SIAH3: variants seen among roughly 807,000 people sequenced by gnomAD.
SIAH3 encodes seven in absentia homolog 3.
In SIAH3, 9 loss-of-function variants were observed where a neutral mutation model predicts 12.6. The ratio of observed to expected loss-of-function variants is 0.72; its 90% confidence interval spans 0.43 to 1.25. SIAH3 has a LOEUF of 1.25. Ranked by LOEUF, SIAH3 falls within the 50% of genes most tolerant of loss-of-function variation. The pLI, the probability that SIAH3 is intolerant of heterozygous loss-of-function variation, is 0.00. For missense variants in SIAH3, 390 were observed against 365.4 expected (o/e 1.07, Z -0.55); for synonymous variants, 154 against 151.1 (o/e 1.02, Z -0.14).
intron 1 of SIAH3, among the ~76,000 whole-genome samples, chr13:45,797,528 T>TA (rs143052766): frequency 0.086 from 13,159 of 152,228 alleles, 922 homozygotes; most frequent in Non-Finnish European, 0.13. Flanking sequence ...CCCTTGCAGC[T>TA]ACCCAAGCCG....
intron 1 of SIAH3, among the ~76,000 whole-genome samples, chr13:45,835,605 G>T (rs1950715010): frequency 6.6e-6 from 1 of 152,182 alleles, no homozygotes; most frequent in African/African-American, 2.4e-5. Context: ...TAAACCTCAA[G>T]TCCAAAGTCA....
chr13:45,797,457 C>T (rs1486765785), intron 1 of SIAH3, among the ~76,000 whole-genome samples: 1 of 152,206 alleles, frequency 6.6e-6, no homozygotes, highest in African/African-American at 2.4e-5. Flanking sequence ...ACATGCACAG[C>T]TTCAACGGAT....
At chr13:45,819,335 G>A (rs970267771) in intron 1 of SIAH3, among the ~76,000 whole-genome samples, 58 of 152,186 alleles carry the variant, frequency 3.8e-4, no homozygotes, top group Admixed American at 9.8e-4. Context: ...TGGGAGGAGC[G>A]TTTAAGGAAG....
chr13:45,793,708 C>T (rs1950553690), intron 1 of SIAH3, among the ~76,000 whole-genome samples: 1 of 152,174 alleles, frequency 6.6e-6, no homozygotes, highest in Non-Finnish European at 1.5e-5. Context: ...AGCAGTCACC[C>T]TCATTGCCTC....
chr13:45,848,492 A>G (rs1950768351), intron 1 of SIAH3, among the ~76,000 whole-genome samples: 1 of 152,272 alleles, frequency 6.6e-6, no homozygotes, highest in African/African-American at 2.4e-5. Flanking sequence ...AAGGAAAGGC[A>G]TCAGCTTGCT....
intron 1 of SIAH3, among the ~76,000 whole-genome samples, chr13:45,842,507 G>A (rs1319772328): frequency 6.6e-6 from 1 of 151,990 alleles, no homozygotes; most frequent in Non-Finnish European, 1.5e-5. Context: ...GGGCCACCAT[G>A]CTTTGCTAAT....
intron 1 of SIAH3, among the ~76,000 whole-genome samples, chr13:45,830,538 T>C (rs1950695212): frequency 6.6e-6 from 1 of 152,238 alleles, no homozygotes; most frequent in Non-Finnish European, 1.5e-5. Context: ...AGGGTGGTTT[T>C]ACAACACTGA....
At position 45,780,046 on chromosome 13, in the gene SIAH3, C is replaced by T. The variant is rs192575636; in HGVS notation, c.*3337G>A. On this transcript the variant is annotated 3_prime_UTR_variant, in exon 2 of 2. Transcript: ENST00000400405. ...CTGTTAAGTGCGCTGTCTCTCTAGGCCTTCTTTTAAAAGGCAATTACTCCT... is the reference window on the plus strand; with the variant it reads ...CTGTTAAGTGCGCTGTCTCTCTAGGTCTTCTTTTAAAAGGCAATTACTCCT... 1 of 152,292 alleles carries T rather than the reference C, an allele frequency of 6.6e-6. No homozygotes were observed. The highest frequency in any genetic ancestry group is 2.4e-5 in the African/African-American group (1 of 41,554). The allele number at this position is 152,292 out of a possible 1,614,324, so 9.4% of individuals were successfully genotyped here.
At chr13:45,828,917 G>A (rs1242066735) in intron 1 of SIAH3, among the ~76,000 whole-genome samples, 3 of 151,640 alleles carry the variant, frequency 2.0e-5, no homozygotes. Context: ...GAAGGGAGGA[G>A]AGTTTTGAAC....
At chr13:45,793,898 G>A (rs1950554288) in intron 1 of SIAH3, among the ~76,000 whole-genome samples, 1 of 152,198 alleles carries the variant, frequency 6.6e-6, no homozygotes, top group Non-Finnish European at 1.5e-5. Flanking sequence ...GTCCAGCTGG[G>A]CCCTAAATCC....
At chr13:45,800,541 T>C (rs990726473) in intron 1 of SIAH3, among the ~76,000 whole-genome samples, 2 of 152,246 alleles carry the variant, frequency 1.3e-5, no homozygotes, top group Admixed American at 1.3e-4. Context: ...TCTTGACCTC[T>C]GCTGCCCACC....
At chr13:45,843,410 C>T (rs941754941) in intron 1 of SIAH3, among the ~76,000 whole-genome samples, 3 of 152,142 alleles carry the variant, frequency 2.0e-5, no homozygotes, top group Non-Finnish European at 2.9e-5. Context: ...CACCTACCCA[C>T]GTGCTTACTC....
At chr13:45,849,664 C>A (rs1478976626) in intron 1 of SIAH3, among the ~76,000 whole-genome samples, 1 of 152,152 alleles carries the variant, frequency 6.6e-6, no homozygotes, top group Non-Finnish European at 1.5e-5. Context: ...GTCAGGGCAG[C>A]AAGACGACTT....
chr13:45,804,973 C>CACAA (rs1474061314), intron 1 of SIAH3, among the ~76,000 whole-genome samples: 1 of 118,250 alleles, frequency 8.5e-6, no homozygotes, highest in Admixed American at 8.1e-5. Flanking sequence ...AACACACACA[C>CACAA]ACACACACAC....
intron 1 of SIAH3, among the ~76,000 whole-genome samples, chr13:45,786,473 G>A (rs1309540498): frequency 6.6e-6 from 1 of 152,188 alleles, no homozygotes; most frequent in Non-Finnish European, 1.5e-5. Flanking sequence ...ATCAGTTAAT[G>A]GTGACAGATC....
intron 1 of SIAH3, among the ~76,000 whole-genome samples, chr13:45,800,740 G>A (rs747634546): frequency 7.2e-5 from 11 of 152,314 alleles, no homozygotes; most frequent in Non-Finnish European, 1.5e-4. Flanking sequence ...CCCGTCATGC[G>A]AAAAGCACTA....
chr13:45,844,203 A>G (rs1950750610), intron 1 of SIAH3, among the ~76,000 whole-genome samples: 2 of 152,200 alleles, frequency 1.3e-5, no homozygotes, highest in Non-Finnish European at 2.9e-5. Flanking sequence ...ATTTAAAAAT[A>G]CCTGGAAATC....
chr13:45,833,690 T>C (rs1950708114), intron 1 of SIAH3, among the ~76,000 whole-genome samples: 1 of 152,172 alleles, frequency 6.6e-6, no homozygotes, highest in Non-Finnish European at 1.5e-5. Flanking sequence ...TAAGTGCTGC[T>C]ATCCATTCTG....
intron 1 of SIAH3, among the ~76,000 whole-genome samples, chr13:45,797,441 GA>G (rs1475465156): frequency 2.6e-5 from 4 of 152,290 alleles, no homozygotes; most frequent in South Asian, 2.1e-4. Flanking sequence ...TTGTAGAAGG[GA>G]AGGTACATGC....
Sources: allele counts gnomAD v4.1 joint callset (sites outside exome capture counted in the v4.1 genomes callset), GRCh38; gene constraint gnomAD v4.1.1; transcripts MANE v1.5; gene names NCBI Gene and HGNC (gene_info 2026-07-23, HGNC 2026-07-21).